ZNF350: variants seen among roughly 807,000 people sequenced by gnomAD.
The protein encoded by ZNF350 is KRAB zinc finger protein ZFQR.
Under a neutral mutation model 13.1 loss-of-function variants are expected in ZNF350, and 5 were observed. That is an observed-to-expected ratio of 0.38 (90% CI 0.20 to 0.80). The LOEUF is 0.80. Ranked by LOEUF, ZNF350 falls within the 30% of genes least tolerant of loss-of-function variation. The pLI is 0.43. For missense variants in ZNF350, 534 were observed against 644.2 expected (o/e 0.83, Z 1.85); for synonymous variants, 199 against 224.2 (o/e 0.89, Z 1.00).
In ZNF350 at chr19:51,974,409, G is replaced by A. The variant is rs2085829392; in HGVS notation, c.-49C>T. On this transcript the variant is annotated 5_prime_UTR_variant, in exon 2 of 5. Transcript: ENST00000243644. ...CATTCAACTGGGATGGTCTGTCTTT[G>A]TATCTTCTGGCCTTCTCTTCAGAAG... 1 of 1,608,858 alleles carries A rather than the reference G, an allele frequency of 6.2e-7. No homozygotes were observed. Among genetic ancestry groups the A allele is most frequent in the Non-Finnish European group, 8.5e-7 (1 of 1,176,254 alleles).
In ZNF350 at chr19:51,968,638, A is replaced by G. The variant is rs369158170; in HGVS notation, c.178T>C (p.Leu60=). The change falls in exon 4 of 5, where the codon TTG becomes CTG. Residue 60 remains leucine, a synonymous_variant. Coordinates refer to ENST00000243644, the MANE Select transcript of ZNF350 (RefSeq NM_021632.4). ...GTCCACAGTTGTTCTCCTTGTTCCA[A>G]CTTGAAGAGTGCATCCGGTTTGCTG... The part of the protein sequence containing the change: ...QASKPDALFK[L]EQGEQLWTIE... 19 of 1,613,954 alleles carry G rather than the reference A, an allele frequency of 1.2e-5. No homozygotes were observed. Among genetic ancestry groups the G allele is most frequent in the African/African-American group, 2.7e-5 (2 of 74,886 alleles).
intron 1 of ZNF350, among the ~76,000 whole-genome samples, chr19:51,986,228 TG>T (rs2086155489): frequency 6.6e-6 from 1 of 152,072 alleles, no homozygotes; most frequent in South Asian, 2.1e-4. Flanking sequence ...GAACTAATGC[TG>T]GGGGCTGTGT....
At position 51,966,320 on chromosome 19, in the gene ZNF350, G is replaced by A. The variant is rs572334475; in HGVS notation, c.239-106C>T. 144 of 1,202,662 alleles carry A rather than the reference G, an allele frequency of 1.2e-4. 1 individual carries two copies. Among genetic ancestry groups the A allele is most frequent in the South Asian group, 7.9e-4 (48 of 60,688 alleles). 74.5% of individuals were successfully genotyped at this position (1,202,662 alleles called of 1,614,324 possible). A position where few individuals can be genotyped will look rare whatever the true frequency, so the allele number is the denominator to read the frequency against. ...TTTTTTTAAGATGGAGTTTTACTCCGTTGTCCAGGCTGGAGTGCAATGCTG... is the reference window on the plus strand; with the variant it reads ...TTTTTTTAAGATGGAGTTTTACTCCATTGTCCAGGCTGGAGTGCAATGCTG... On this transcript the variant is annotated intron_variant, in intron 4 of 4. Transcript: ENST00000243644.
At chr19:51,984,479 A>G (rs1196053671) in intron 1 of ZNF350, among the ~76,000 whole-genome samples, 1 of 152,180 alleles carries the variant, frequency 6.6e-6, no homozygotes, top group Admixed American at 6.5e-5. Flanking sequence ...ATTTAGACGG[A>G]GTTTATACAC....
At chr19:51,967,970 C>G (rs745709436) in intron 4 of ZNF350, among the ~76,000 whole-genome samples, 2 of 152,154 alleles carry the variant, frequency 1.3e-5, no homozygotes, top group South Asian at 4.2e-4. Context: ...GTTTGGGACT[C>G]TCCTCCAGGG....
intron 1 of ZNF350, among the ~76,000 whole-genome samples, chr19:51,983,158 C>A (rs548731942): frequency 6.6e-6 from 1 of 152,186 alleles, no homozygotes; most frequent in African/African-American, 2.4e-5. Flanking sequence ...CTGTGCAGGA[C>A]GTGCTTTGTT....
At chr19:51,979,233 T>G (rs575689948) in intron 1 of ZNF350, among the ~76,000 whole-genome samples, 1 of 152,302 alleles carries the variant, frequency 6.6e-6, no homozygotes, top group South Asian at 2.1e-4. Context: ...CCTGATTCCA[T>G]GCTCTTGGCC....
chr19:51,976,176 C>A lies in ZNF350; in HGVS notation c.-171-1645G>T. ...CCCCTGGCGCCGTTATCTACTGCGA[C>A]ATCTAGAGAATGCAGTCTTGCAAGA... On this transcript the variant is annotated intron_variant, in intron 1 of 4. Coordinates refer to ENST00000243644, the MANE Select transcript of ZNF350 (RefSeq NM_021632.4). The surrounding 1 kb of genome is among the most constrained non-coding windows in gnomAD (Gnocchi z 4.5). 1.3e-5 allele frequency among the ~76,000 whole-genome samples: 2 copies of A among 151,672 alleles called. No individual in the cohort carries two copies. The highest frequency in any genetic ancestry group is 2.9e-5 in the Non-Finnish European group (2 of 68,002).
intron 1 of ZNF350, among the ~76,000 whole-genome samples, chr19:51,978,136 G>A (rs1205066538): frequency 1.3e-5 from 2 of 152,132 alleles, no homozygotes; most frequent in African/African-American, 4.8e-5. Flanking sequence ...ATGGGGGCCT[G>A]CACCCGGGCC....
intron 2 of ZNF350, chr19:51,973,176 G>C (rs1459180859): frequency 6.6e-6 from 1 of 151,984 alleles, no homozygotes; most frequent in African/African-American, 2.4e-5. Context: ...TCGATCTCCA[G>C]ACCTCGTGAT....
At position 51,965,730 on chromosome 19, in the gene ZNF350, T is replaced by A; in HGVS notation, c.723A>T (p.Lys241Asn). ...TAAGCATGAACTTTCTGGAGAAGGCTTTCTCACATAGACTACATCTGTGGG... is the reference window on the plus strand; with the variant it reads ...TAAGCATGAACTTTCTGGAGAAGGCATTCTCACATAGACTACATCTGTGGG... Reference protein sequence around the residue: ...EKPHRCSLCEKAFSRKFMLTE... With the variant: ...EKPHRCSLCENAFSRKFMLTE... The change falls in exon 5 of 5, where the codon AAA (lysine) becomes AAT (asparagine). Residue 241 changes from lysine (K) to asparagine (N), a missense_variant. Transcript: ENST00000243644. 1 of 1,613,992 alleles carries A rather than the reference T, an allele frequency of 6.2e-7. No individual in the cohort carries two copies. Among genetic ancestry groups the A allele is most frequent in the Non-Finnish European group, 8.5e-7 (1 of 1,179,898 alleles).
intron 4 of ZNF350, chr19:51,967,172 T>C (rs2085603716): frequency 6.6e-6 from 1 of 152,148 alleles, no homozygotes; most frequent in African/African-American, 2.4e-5. Context: ...AAACAGACCT[T>C]AAAATACAAG....
intron 1 of ZNF350, among the ~76,000 whole-genome samples, chr19:51,980,053 A>T (rs2085995852): frequency 6.6e-6 from 1 of 152,206 alleles, no homozygotes; most frequent in Non-Finnish European, 1.5e-5. Flanking sequence ...ACACAGTCTT[A>T]ATGTTGCATT....
At chr19:51,975,132 A>ATATGACAAAGGTTGCACAC (rs1431075483) in intron 1 of ZNF350, among the ~76,000 whole-genome samples, 3 of 152,240 alleles carry the variant, frequency 2.0e-5, no homozygotes, top group Non-Finnish European at 4.4e-5. Context: ...TAGCAGAAGA[A>ATATGACAAAGGTTGCACAC]TATGACAAAG....
chr19:51,968,691 T>TA lies in ZNF350; in HGVS notation c.143-19dup, dbSNP rs1228112020. Reference sequence around the variant, plus strand: ...TTGATACCCTGTTCATGGAAAATGATAGAGGACTTAGACATATCAAATTGG... The same window carrying TA: ...TTGATACCCTGTTCATGGAAAATGATAAGAGGACTTAGACATATCAAATTGG... On this transcript the variant is annotated intron_variant, in intron 3 of 4. Coordinates refer to ENST00000243644, the MANE Select transcript of ZNF350 (RefSeq NM_021632.4). 1 of 1,609,916 alleles carries TA rather than the reference T, an allele frequency of 6.2e-7. No individual in the cohort carries two copies. Among genetic ancestry groups the TA allele is most frequent in the Non-Finnish European group, 8.5e-7 (1 of 1,176,278 alleles).
At chr19:51,975,429 T>TAAAAA (rs202054246) in intron 1 of ZNF350, among the ~76,000 whole-genome samples, 1,035 of 88,812 alleles carry the variant, frequency 0.012, 27 homozygotes, top group African/African-American at 0.033. Context: ...AACCTCGTCT[T>TAAAAA]AAAAAAAAAA....
At chr19:51,968,338 T>C (rs1384798295) in intron 4 of ZNF350, 4 of 515,552 alleles carry the variant, frequency 7.8e-6, no homozygotes, top group Non-Finnish European at 1.4e-5. Flanking sequence ...AAGAAAATTA[T>C]GCAGGCAAAC....
intron 1 of ZNF350, among the ~76,000 whole-genome samples, chr19:51,975,888 A>G (rs1180350849): frequency 6.6e-6 from 1 of 152,252 alleles, no homozygotes; most frequent in East Asian, 1.9e-4. Context: ...AGGGAGCCGA[A>G]GGCTCGTGGC....
intron 1 of ZNF350, chr19:51,986,442 A>T (rs2086159437): frequency 6.6e-6 from 1 of 152,544 alleles, no homozygotes; most frequent in South Asian, 2.1e-4. Flanking sequence ...TTAAATCCTG[A>T]ACCCGAAGCA....
Sources: allele counts gnomAD v4.1 joint callset (sites outside exome capture counted in the v4.1 genomes callset), GRCh38; gene constraint gnomAD v4.1.1; non-coding constraint Gnocchi (gnomAD v3.1); transcripts MANE v1.5; gene names NCBI Gene and HGNC (gene_info 2026-07-23, HGNC 2026-07-21).